RBFOX2: variants seen among roughly 807,000 people sequenced by gnomAD.
The protein encoded by RBFOX2 is RNA binding fox-1 homolog 2.
RBFOX2 carries 10 observed loss-of-function variants against 49.1 expected under a neutral mutation model. That is an observed-to-expected ratio of 0.20 (90% CI 0.13 to 0.35). The LOEUF (loss-of-function observed/expected upper bound fraction) is 0.35, where lower values mean the gene tolerates loss of function less well. RBFOX2 is among the 10% of genes least tolerant of loss of function. The pLI is 1.00. For synonymous variants in RBFOX2, 183 were observed against 187.4 expected (o/e 0.98, Z 0.19); for missense variants, 323 against 486.9 (o/e 0.66, Z 3.17).
rs1932904583 is a variant in RBFOX2 at position 35,746,813 on chromosome 22, G to C, written c.888-252C>G. 3 of 358,278 alleles carry C rather than the reference G, an allele frequency of 8.4e-6. No homozygotes were observed. In the East Asian group the frequency reaches 1.2e-4, roughly 15 times the overall value. 22.2% of individuals were successfully genotyped at this position (358,278 alleles called of 1,614,324 possible). On this transcript the variant is annotated intron_variant, in intron 9 of 11. Coordinates refer to ENST00000405409, the Ensembl canonical transcript of RBFOX2. Reference sequence around the variant, plus strand: ...GTGATAGTATTAAAAGTAAAGTTTGGTAGTACCTGTTAAATACAAGGAATG... The same window carrying C: ...GTGATAGTATTAAAAGTAAAGTTTGCTAGTACCTGTTAAATACAAGGAATG...
intron 1 of RBFOX2, among the ~76,000 whole-genome samples, chr22:35,896,579 A>G (rs2047871827): frequency 2.0e-5 from 3 of 152,156 alleles, no homozygotes. Flanking sequence ...CTCTGGGCTT[A>G]GTTACCTGCC....
At chr22:35,982,144 G>A (rs968017636) in intron 1 of RBFOX2, among the ~76,000 whole-genome samples, 2 of 152,088 alleles carry the variant, frequency 1.3e-5, no homozygotes, top group African/African-American at 2.4e-5. Context: ...CATAATTCCA[G>A]GGGAATAGAT....
At chr22:35,961,541 A>C (rs903112191) in intron 1 of RBFOX2, 27 of 1,303,078 alleles carry the variant, frequency 2.1e-5, no homozygotes, top group Non-Finnish European at 2.6e-5. Context: ...ACCACCCCCC[A>C]CACACCCAAC....
chr22:35,979,287 C>T (rs1204658209), intron 1 of RBFOX2, among the ~76,000 whole-genome samples: 4 of 152,158 alleles, frequency 2.6e-5, no homozygotes, highest in African/African-American at 7.2e-5. Flanking sequence ...CTAAATGCAA[C>T]GCATATTCCT....
At position 35,870,927 on chromosome 22, in the gene RBFOX2, T is replaced by G. The variant is rs944064529; in HGVS notation, c.-33-60923A>C. Among the ~76,000 whole-genome samples the G allele has an allele frequency of 1.6e-4, 24 of 152,364 alleles. 1 individual carries two copies. Among genetic ancestry groups the G allele is most frequent in the African/African-American group, 5.8e-4 (24 of 41,578 alleles). On this transcript the variant is annotated intron_variant, in intron 1 of 13. Transcript: ENST00000359369. The stretch of plus-strand genomic sequence containing the variant: ...TGTATTCTGGATTGCCTCTGTATTA[T>G]TTTAAAATCTTTGCCACATTAGAAT...
At chr22:35,810,034 T>C (rs1328720684) in intron 1 of RBFOX2, 30 bp from the exon 3 acceptor site, 1 of 1,603,182 alleles carries the variant, frequency 6.2e-7, no homozygotes, top group Non-Finnish European at 8.5e-7. Flanking sequence ...AAAGAAAAAG[T>C]GACTTTGAAT....
chr22:35,799,241 C>A (rs1270663891), intron 2 of RBFOX2, among the ~76,000 whole-genome samples: 1 of 152,118 alleles, frequency 6.6e-6, no homozygotes, highest in Non-Finnish European at 1.5e-5. Context: ...GTTATTTATA[C>A]CCACTGCCAT....
chr22:35,751,353 A>C (rs1934839406), intron 9 of RBFOX2, among the ~76,000 whole-genome samples: 1 of 152,132 alleles, frequency 6.6e-6, no homozygotes, highest in Non-Finnish European at 1.5e-5. Flanking sequence ...CAGCAGACAA[A>C]ATGAAAGCTT....
intron 2 of RBFOX2, among the ~76,000 whole-genome samples, chr22:35,809,436 G>A (rs1401930072): frequency 6.6e-6 from 1 of 152,142 alleles, no homozygotes; most frequent in African/African-American, 2.4e-5. Context: ...TTTTGCTTGA[G>A]TTTGGTAGTA....
intron 1 of RBFOX2, among the ~76,000 whole-genome samples, chr22:35,929,102 T>A (rs898635041): frequency 6.6e-6 from 1 of 152,036 alleles, no homozygotes; most frequent in Non-Finnish European, 1.5e-5. Flanking sequence ...ATTGGCGACC[T>A]CATTTCTCTT....
chr22:35,770,389 T>C (rs1942324401), intron 4 of RBFOX2, among the ~76,000 whole-genome samples: 1 of 152,140 alleles, frequency 6.6e-6, no homozygotes, highest in Non-Finnish European at 1.5e-5. Flanking sequence ...AAGACCTAGG[T>C]TTTTGATATT....
At chr22:35,936,263 A>C (rs1476753507) in intron 1 of RBFOX2, among the ~76,000 whole-genome samples, 2 of 151,462 alleles carry the variant, frequency 1.3e-5, no homozygotes, top group African/African-American at 4.8e-5. Context: ...AAAAAGGGAA[A>C]GCAAACAAAA....
intron 1 of RBFOX2, among the ~76,000 whole-genome samples, chr22:35,934,799 T>C (rs911976102): frequency 6.6e-6 from 1 of 152,178 alleles, no homozygotes; most frequent in East Asian, 1.9e-4. Context: ...ACTTTAAAAA[T>C]ACTGCAAATC....
chr22:35,904,659 C>G (rs1221585650), intron 1 of RBFOX2, among the ~76,000 whole-genome samples: 1 of 152,168 alleles, frequency 6.6e-6, no homozygotes, highest in Non-Finnish European at 1.5e-5. Context: ...TTAAGCTAAT[C>G]TGATAATCTA....
chr22:35,992,292 C>T (rs1004956512), intron 1 of RBFOX2: 14 of 152,248 alleles, frequency 9.2e-5, no homozygotes, highest in African/African-American at 2.4e-4. Context: ...GATAACCACA[C>T]ACACACATAC....
At chr22:35,862,098 A>G (rs2043155757) in intron 1 of RBFOX2, among the ~76,000 whole-genome samples, 1 of 152,170 alleles carries the variant, frequency 6.6e-6, no homozygotes, top group African/African-American at 2.4e-5. Context: ...CAGAAAGCAG[A>G]TAAGCGGTTG....
intron 1 of RBFOX2, among the ~76,000 whole-genome samples, chr22:35,966,713 T>C (rs2056578861): frequency 6.6e-6 from 1 of 152,204 alleles, no homozygotes; most frequent in South Asian, 2.1e-4. Context: ...TATGGGTTTG[T>C]AGTTGTTATT....
chr22:35,802,053 A>C (rs888541980), intron 2 of RBFOX2, among the ~76,000 whole-genome samples: 1 of 152,156 alleles, frequency 6.6e-6, no homozygotes, highest in African/African-American at 2.4e-5. Flanking sequence ...AGGAACTCAA[A>C]TTGGTTGACA....
At chr22:35,902,832 T>C (rs1267732189) in intron 1 of RBFOX2, among the ~76,000 whole-genome samples, 3 of 143,076 alleles carry the variant, frequency 2.1e-5, no homozygotes, top group Non-Finnish European at 4.5e-5. Flanking sequence ...AAAAAAAAAA[T>C]TTAGAGAAGG....
Sources: allele counts gnomAD v4.1 joint callset (sites outside exome capture counted in the v4.1 genomes callset), GRCh38; gene constraint gnomAD v4.1.1; transcripts MANE v1.5; gene names NCBI Gene and HGNC (gene_info 2026-07-23, HGNC 2026-07-21).